Variants in SLC18A2 observed in about 807,000 individuals in gnomAD.
SLC18A2 encodes solute carrier family 18 member A2.
In SLC18A2, 33 loss-of-function variants were observed where a neutral mutation model predicts 59.2. The ratio of observed to expected loss-of-function variants is 0.56; its 90% CI spans 0.42 to 0.75. The LOEUF (loss-of-function observed/expected upper bound fraction) is 0.75. Among genes scored for constraint, SLC18A2 ranks in the 30% least tolerant of loss-of-function variants. The probability of loss-of-function intolerance (pLI) is 0.00; values close to 1 mark genes in which losing one functional copy is unlikely to be tolerated. For missense variants in SLC18A2, 569 were observed against 668.6 expected, an observed-to-expected ratio of 0.85 and a Z score of 1.64; for synonymous variants, 228 against 253.5, an observed-to-expected ratio of 0.90 and a Z score of 0.95.
chr10:117,265,122 A>G (rs1368907290), intron 10 of SLC18A2, among the ~76,000 whole-genome samples: 1 of 152,248 alleles, frequency 6.6e-6, no homozygotes, highest in Admixed American at 6.5e-5. Context: ...ATTGCTAAGC[A>G]TGACAGAAAT....
intron 9 of SLC18A2, among the ~76,000 whole-genome samples, chr10:117,257,138 A>T (rs2133735550): frequency 6.6e-6 from 1 of 152,332 alleles, no homozygotes; most frequent in Non-Finnish European, 1.5e-5. Context: ...GTTGTAGCAA[A>T]TTAGAGGTTC....
At chr10:117,245,474 A>G (rs1350950867) in intron 3 of SLC18A2, among the ~76,000 whole-genome samples, 3 of 152,154 alleles carry the variant, frequency 2.0e-5, no homozygotes, top group African/African-American at 7.2e-5. Context: ...CCAAAAAGAA[A>G]TGAGTGAATC....
Position 117,277,894 on chromosome 10 carries a change from A to G in SLC18A2, c.*628A>G, listed in dbSNP as rs1160946733. 3.3e-5 allele frequency: 5 copies of G among 152,230 alleles called. No individual in the cohort carries two copies. The highest frequency in any genetic ancestry group is 4.8e-5 in the African/African-American group (2 of 41,466). 9.4% of individuals were successfully genotyped at this position (152,230 alleles called of 1,614,324 possible). On this transcript the variant is annotated 3_prime_UTR_variant, in exon 16 of 16. Transcript: ENST00000644641. ...TTTCTATGTAATCACCTACCTAGAG[A>G]GAGTTGTAAATTATATGTTAACATG...
intron 2 of SLC18A2, 137 bp from the exon 3 acceptor site, chr10:117,243,834 C>T (rs1844079974): frequency 4.5e-6 from 3 of 661,118 alleles, no homozygotes; most frequent in South Asian, 4.0e-5. Flanking sequence ...GATCCACCTG[C>T]CTCAGCTTCC....
chr10:117,257,669 G>A (rs576142596), intron 9 of SLC18A2, 128 bp from the exon 10 acceptor site: 35 of 487,030 alleles, frequency 7.2e-5, no homozygotes, highest in African/African-American at 5.5e-4. Context: ...CCCTTGATAT[G>A]CGATTTATCC....
At chr10:117,267,493 C>G (rs1377845838) in intron 12 of SLC18A2, 180 bp from the exon 13 acceptor site, 5 of 487,166 alleles carry the variant, frequency 1.0e-5, no homozygotes, top group Non-Finnish European at 1.8e-5. Flanking sequence ...TCGTTTCAAG[C>G]TTTGACTTTT....
intron 3 of SLC18A2, among the ~76,000 whole-genome samples, chr10:117,247,860 C>A (rs979322327): frequency 1.4e-4 from 21 of 152,312 alleles, no homozygotes; most frequent in African/African-American, 5.1e-4. Context: ...CACTCTGAAT[C>A]GAGACATTCT....
intron 15 of SLC18A2, 35 bp downstream of exon 15, chr10:117,270,498 G>C: frequency 6.2e-7 from 1 of 1,608,708 alleles, no homozygotes; most frequent in Non-Finnish European, 8.5e-7. Flanking sequence ...AGCATTTCTT[G>C]ATAATTTTAG....
chr10:117,241,569 C>T, intron 1 of SLC18A2, 110 bp from the exon 2 acceptor site: 1 of 1,222,826 alleles, frequency 8.2e-7, no homozygotes, highest in South Asian at 1.8e-5. Flanking sequence ...CGGGGGTGTC[C>T]CCGGATGCCG....
At chr10:117,250,691 G>C (rs556291663) in intron 3 of SLC18A2, among the ~76,000 whole-genome samples, 103 of 152,254 alleles carry the variant, frequency 6.8e-4, no homozygotes, top group African/African-American at 2.4e-3. Flanking sequence ...TTGAATTTGG[G>C]GCAAGTAATT....
At chr10:117,245,663 A>G (rs562180689) in intron 3 of SLC18A2, among the ~76,000 whole-genome samples, 6 of 152,078 alleles carry the variant, frequency 3.9e-5, no homozygotes, top group Non-Finnish European at 7.4e-5. Context: ...GCAGCAGAGC[A>G]TTAAATCAAC....
intron 15 of SLC18A2, among the ~76,000 whole-genome samples, chr10:117,276,630 A>AAAAAGAAAG (rs1445853665): frequency 9.4e-4 from 21 of 22,304 alleles, no homozygotes; most frequent in Non-Finnish European, 1.4e-3. Context: ...AAAAAAAAAA[A>AAAAAGAAAG]AAAGAAAGAA....
intron 13 of SLC18A2, chr10:117,268,279 A>G (rs1844372563): frequency 1.3e-5 from 2 of 153,144 alleles, no homozygotes; most frequent in African/African-American, 2.4e-5. Flanking sequence ...TAATATACCA[A>G]TTGATCATGA....
At chr10:117,265,410 T>C (rs894137219) in intron 10 of SLC18A2, among the ~76,000 whole-genome samples, 1 of 152,174 alleles carries the variant, frequency 6.6e-6, no homozygotes, top group Non-Finnish European at 1.5e-5. Context: ...CTCGGTCATC[T>C]GATATCTACC....
In SLC18A2 at chr10:117,277,251, AT is replaced by A; in HGVS notation, c.1531del (p.Ser511LeufsTer24). On this transcript the variant is annotated frameshift_variant, in exon 16 of 16. Coordinates refer to ENST00000644641, the MANE Select transcript of SLC18A2 (RefSeq NM_003054.6). LOFTEE classifies it high-confidence loss of function. Reference sequence around the variant, plus strand: ...CATATCCGATAGGTGAAGATGAAGAATCTGAAAGTGACTGAGATGAGATCCT... The same window carrying A: ...CATATCCGATAGGTGAAGATGAAGAACTGAAAGTGACTGAGATGAGATCCT... ...QSYPIGEDEESESD is the reference protein window; with the variant it reads ...QSYPIGEDEEXESD 1 of 1,603,106 alleles carries A rather than the reference AT, an allele frequency of 6.2e-7. No individual in the cohort carries two copies. Among genetic ancestry groups the A allele is most frequent in the Non-Finnish European group, 8.5e-7 (1 of 1,171,804 alleles).
intron 10 of SLC18A2, among the ~76,000 whole-genome samples, chr10:117,258,869 C>A (rs949698900): frequency 1.3e-5 from 2 of 151,512 alleles, no homozygotes; most frequent in Non-Finnish European, 2.9e-5. Flanking sequence ...CGGGTTCAAG[C>A]GATTCTCCTG....
At chr10:117,250,272 C>A (rs1318917263) in intron 3 of SLC18A2, among the ~76,000 whole-genome samples, 1 of 152,142 alleles carries the variant, frequency 6.6e-6, no homozygotes, top group African/African-American at 2.4e-5. Flanking sequence ...AGTGCAGGCA[C>A]AGGTGTGTCC....
intron 3 of SLC18A2, among the ~76,000 whole-genome samples, chr10:117,250,128 G>A (rs904749416): frequency 1.3e-5 from 2 of 152,178 alleles, no homozygotes; most frequent in East Asian, 3.9e-4. Context: ...TGCCCGAGGG[G>A]CCAGAAGAGT....
chr10:117,249,363 T>C (rs112577014), intron 3 of SLC18A2, among the ~76,000 whole-genome samples: 21 of 152,390 alleles, frequency 1.4e-4, no homozygotes, highest in African/African-American at 4.8e-4. Flanking sequence ...AATTCTCTGG[T>C]AGCTGAAAAA....
Sources: gnomAD v4.1 joint callset for allele counts (sites outside exome capture counted in the v4.1 genomes callset) on GRCh38, gnomAD v4.1.1 for gene constraint, MANE v1.5 for transcripts, NCBI Gene and HGNC (gene_info 2026-07-23, HGNC 2026-07-21) for gene names.